Variants in ANKRD17 observed in about 807,000 individuals in gnomAD.
ANKRD17 encodes the protein ankyrin repeat domain-containing protein 17.
Under a neutral mutation model 229.7 loss-of-function variants are expected in ANKRD17, and 19 were observed. That is an observed-to-expected ratio of 0.08 (90% CI 0.06 to 0.12). The LOEUF is 0.12. Ranked by LOEUF, ANKRD17 falls within the 10% of genes least tolerant of loss-of-function variation. The pLI, the probability that ANKRD17 is intolerant of heterozygous loss-of-function variation, is 1.00. For missense variants in ANKRD17, 2,176 were observed against 3,176.8 expected (o/e 0.68, Z 7.57); for synonymous variants, 1,112 against 1,146.1 (o/e 0.97, Z 0.60).
rs1729408547 is a variant in ANKRD17 at position 73,139,959 on chromosome 4, T to G, written c.2657A>C (p.Lys886Thr). 6.2e-7 allele frequency: 1 copy of G among 1,614,062 alleles called. No individual in the cohort carries two copies. Among genetic ancestry groups the G allele is most frequent in the Non-Finnish European group, 8.5e-7 (1 of 1,180,036 alleles). Residue 886 changes from lysine (K) to threonine (T), a missense_variant, in exon 15 of 34, where the codon AAG becomes ACG. Lys to Thr is a moderately conservative substitution (Grantham distance 78, BLOSUM62 -1). Transcript: ENST00000358602. ...LQLKTQQQLK[K>T]QYLEVKAQRI... ...TTGAGCTTTAACCTCTAGATACTGC[T>G]TTTTTAGCTGCTGCTGAGTTTTCAG...
chr4:73,133,370 C>T (rs1483739130), intron 16 of ANKRD17, among the ~76,000 whole-genome samples: 1 of 149,866 alleles, frequency 6.7e-6, no homozygotes, highest in Non-Finnish European at 1.5e-5. Flanking sequence ...AACTATGGCT[C>T]ATCAAATGAA....
At chr4:73,220,281 C>T (rs888156011) in intron 1 of ANKRD17, among the ~76,000 whole-genome samples, 1 of 152,020 alleles carries the variant, frequency 6.6e-6, no homozygotes, top group Non-Finnish European at 1.5e-5. Flanking sequence ...GGCTACTTTC[C>T]TGAGTATTAG....
intron 1 of ANKRD17, among the ~76,000 whole-genome samples, chr4:73,226,389 G>GTTTTT (rs1157719883): frequency 1.7e-3 from 146 of 87,620 alleles, no homozygotes; most frequent in East Asian, 3.3e-3. Context: ...CTTTTCTTCT[G>GTTTTT]TTTTTTTTTT....
At chr4:73,108,854 G>GT (rs1185768195) in intron 24 of ANKRD17, among the ~76,000 whole-genome samples, 1 of 152,130 alleles carries the variant, frequency 6.6e-6, no homozygotes, top group African/African-American at 2.4e-5. Flanking sequence ...GGTTTTCTGT[G>GT]TTTAAGATTG....
At chr4:73,162,232 A>G (rs1026658673) in intron 2 of ANKRD17, among the ~76,000 whole-genome samples, 120 of 151,794 alleles carry the variant, frequency 7.9e-4, no homozygotes, top group African/African-American at 2.6e-3. Context: ...TACTTTTTGG[A>G]GGAATCAGGG....
chr4:73,238,286 T>C (rs1743689875), intron 1 of ANKRD17, among the ~76,000 whole-genome samples: 1 of 152,162 alleles, frequency 6.6e-6, no homozygotes, highest in South Asian at 2.1e-4. Flanking sequence ...AGATATTTAA[T>C]TTTTACATGT....
chr4:73,092,245 C>A lies in ANKRD17; in HGVS notation c.5383G>T (p.Asp1795Tyr). ...AGTTCATCAATTTCTTTGTCTGGAT[C>A]CTTGATCAAAGCATTAATCAATTGA... ...ATQLINALIKDPDKEIDELIP... is the reference protein window; with the variant it reads ...ATQLINALIKYPDKEIDELIP... Residue 1795 changes from aspartate to tyrosine, a missense_variant, in exon 29 of 34, where the codon GAT (aspartate) becomes TAT (tyrosine). This residue lies in a region of ANKRD17 where 142 missense variants were observed against 200.4 expected (regional missense o/e 0.71). Coordinates refer to ENST00000358602, the MANE Select transcript of ANKRD17 (RefSeq NM_032217.5). 6.2e-7 allele frequency: 1 copy of A among 1,614,108 alleles called. No homozygotes were observed. Among genetic ancestry groups the A allele is most frequent in the Non-Finnish European group, 8.5e-7 (1 of 1,180,014 alleles).
At chr4:73,085,134 T>C in intron 30 of ANKRD17, 115 bp downstream of exon 30, 2 of 1,176,526 alleles carry the variant, frequency 1.7e-6, no homozygotes, top group Non-Finnish European at 2.4e-6. Context: ...AATTCCAGAC[T>C]TCTAAGAGTA....
chr4:73,113,407 A>T, intron 24 of ANKRD17: 1 of 1,287,840 alleles, frequency 7.8e-7, no homozygotes. Flanking sequence ...ATGCCTTGGT[A>T]GTGCATTTGG....
chr4:73,217,682 T>C (rs962625808), intron 1 of ANKRD17, among the ~76,000 whole-genome samples: 1 of 152,134 alleles, frequency 6.6e-6, no homozygotes, highest in Non-Finnish European at 1.5e-5. Flanking sequence ...CAGTAATTTT[T>C]TGAGCACTGA....
At chr4:73,160,343 C>T (rs1578229054) in intron 3 of ANKRD17, among the ~76,000 whole-genome samples, 2 of 151,682 alleles carry the variant, frequency 1.3e-5, no homozygotes, top group African/African-American at 4.8e-5. Context: ...CTCAGCCTCC[C>T]GAGTAGCGGG....
In ANKRD17 at chr4:73,139,700, C is replaced by T. The variant is rs776714986; in HGVS notation, c.2916G>A (p.Gly972=). ...LPLAAGPLPP[G]SIANLTELQG... ...GCAGTTCTGTAAGATTTGCGATGGA[C>T]CCTGGAGGCAAGGGACCTGCCGCCA... Residue 972 remains glycine (G), a synonymous_variant, in exon 15 of 34, where the codon GGG becomes GGA. Coordinates refer to ENST00000358602, the MANE Select transcript of ANKRD17 (RefSeq NM_032217.5). 2 of 1,614,156 alleles carry T rather than the reference C, an allele frequency of 1.2e-6. No homozygotes were observed. The highest frequency in any genetic ancestry group is 2.7e-5 in the African/African-American group (2 of 75,042).
intron 1 of ANKRD17, among the ~76,000 whole-genome samples, chr4:73,203,962 A>T (rs1251462007): frequency 6.6e-6 from 1 of 152,118 alleles, no homozygotes; most frequent in Non-Finnish European, 1.5e-5. Flanking sequence ...GGGGGGAAAA[A>T]ACCATCATGT....
At chr4:73,197,938 C>T (rs1392921383) in intron 1 of ANKRD17, among the ~76,000 whole-genome samples, 1 of 152,120 alleles carries the variant, frequency 6.6e-6, no homozygotes, top group Non-Finnish European at 1.5e-5. Context: ...TGTTAGTATA[C>T]TTTATATTCA....
intron 1 of ANKRD17, among the ~76,000 whole-genome samples, chr4:73,200,812 C>A (rs1738563359): frequency 6.6e-6 from 1 of 152,020 alleles, no homozygotes; most frequent in Non-Finnish European, 1.5e-5. Context: ...GTGCTAGGCA[C>A]TGAAGAACCA....
chr4:73,127,765 G>C (rs1727668157), intron 16 of ANKRD17, among the ~76,000 whole-genome samples: 1 of 152,118 alleles, frequency 6.6e-6, no homozygotes, highest in South Asian at 2.1e-4. Context: ...ATGTAGCATT[G>C]ATTACATTTA....
At chr4:73,157,552 T>C (rs1731826781) in intron 3 of ANKRD17, among the ~76,000 whole-genome samples, 2 of 152,212 alleles carry the variant, frequency 1.3e-5, no homozygotes, top group South Asian at 4.1e-4. Context: ...ATTCTTTTTA[T>C]TTCAAATATA....
At position 73,192,739 on chromosome 4, in the gene ANKRD17, C is replaced by A. The variant is rs147219294; in HGVS notation, c.394-15206G>T. ...TCTTGAGATATATAGGATTAACTTG[C>A]TGGTACATGTAACTCATCTGAAAGT... On this transcript the variant is annotated intron_variant, in intron 1 of 33. Transcript: ENST00000358602. 6.3e-3 allele frequency among the ~76,000 whole-genome samples: 965 copies of A among 152,224 alleles called. 11 individuals carry two copies. Among genetic ancestry groups the A allele is most frequent in the African/African-American group, 0.022 (919 of 41,544 alleles).
intron 3 of ANKRD17, among the ~76,000 whole-genome samples, chr4:73,160,963 T>C (rs955451325): frequency 2.0e-5 from 3 of 152,226 alleles, no homozygotes; most frequent in African/African-American, 7.2e-5. Flanking sequence ...TTATTATCTA[T>C]TTGATCTTGA....
Sources: allele counts gnomAD v4.1 joint callset (sites outside exome capture counted in the v4.1 genomes callset), GRCh38; gene constraint gnomAD v4.1.1; regional missense constraint gnomAD v4.1.1; transcripts MANE v1.5; gene names NCBI Gene and HGNC (gene_info 2026-07-23, HGNC 2026-07-21).